RMDN3: variants seen among roughly 807,000 people sequenced by gnomAD.
The protein encoded by RMDN3 is regulator of microtubule dynamics 3, also known as regulator of microtubule dynamics protein 3.
Under a neutral mutation model 61.8 loss-of-function variants are expected in RMDN3, and 41 were observed. That is an observed-to-expected ratio of 0.66 (90% CI 0.52 to 0.86). RMDN3 has a LOEUF of 0.86. Ranked by LOEUF, RMDN3 falls within the 40% of genes least tolerant of loss-of-function variation. The pLI, the probability that RMDN3 is intolerant of heterozygous loss-of-function variation, is 0.00. For missense variants in RMDN3, 557 were observed against 585.3 expected (o/e 0.95, Z 0.50); for synonymous variants, 247 against 232.0 (o/e 1.06, Z -0.59).
Position 40,751,538 on chromosome 15 carries a change from G to A in RMDN3, c.412C>T (p.Arg138Trp), listed in dbSNP as rs776105230. 11 of 1,614,178 alleles carry A rather than the reference G, an allele frequency of 6.8e-6. No homozygotes were observed. The highest frequency in any genetic ancestry group is 6.7e-5 in the Admixed American group (4 of 60,022). ...CHMEENQRVA[R>W]RRRFPFVRER... The stretch of plus-strand genomic sequence containing the variant: ...CGGACAAACGGAAACCTTCGCCGCC[G>A]AGCCACTCTCTGGTTCTCTTCCATG... The change falls in exon 4 of 13, where the codon CGG becomes TGG. Residue 138 changes from arginine to tryptophan, a missense_variant. Coordinates refer to ENST00000338376, the MANE Select transcript of RMDN3 (RefSeq NM_018145.3).
At chr15:40,742,590 A>G (rs1267475941) in intron 6 of RMDN3, among the ~76,000 whole-genome samples, 1 of 152,228 alleles carries the variant, frequency 6.6e-6, no homozygotes, top group Non-Finnish European at 1.5e-5. Context: ...TAAACTTTAT[A>G]CCCAGTAAGG....
chr15:40,748,100 G>A (rs547462115), intron 4 of RMDN3, among the ~76,000 whole-genome samples: 1 of 152,294 alleles, frequency 6.6e-6, no homozygotes, highest in East Asian at 1.9e-4. Flanking sequence ...GAGCTGCACA[G>A]TGATTCTGCC....
chr15:40,742,149 C>A lies in RMDN3; in HGVS notation c.910+1898G>T, dbSNP rs148920374. Among the ~76,000 whole-genome samples, 591 of 151,598 alleles carry A rather than the reference C, an allele frequency of 3.9e-3. 3 individuals carry two copies. Among genetic ancestry groups the A allele is most frequent in the Non-Finnish European group, 5.5e-3 (372 of 67,910 alleles). On this transcript the variant is annotated intron_variant, in intron 6 of 12. Transcript: ENST00000338376. ...ATCCTCCTGCTGGCATGTTCCACCACCATGCCTGGCTAATTTTTTAAGTTT... is the reference window on the plus strand; with the variant it reads ...ATCCTCCTGCTGGCATGTTCCACCAACATGCCTGGCTAATTTTTTAAGTTT...
At chr15:40,744,897 G>A in intron 5 of RMDN3, 80 bp downstream of exon 5, 1 of 1,417,830 alleles carries the variant, frequency 7.1e-7, no homozygotes, top group Non-Finnish European at 9.4e-7. Context: ...AACCACACGG[G>A]CCTTCATTCC....
chr15:40,754,883 T>C, intron 1 of RMDN3, 93 bp from the exon 2 acceptor site: 1 of 1,117,202 alleles, frequency 9.0e-7, no homozygotes, highest in South Asian at 1.5e-5. Flanking sequence ...AAACCCACCC[T>C]CAAGGCTGAA....
rs1897133369 is a variant in RMDN3, at chr15:40,738,052, A to T, written c.1048-10T>A. The stretch of plus-strand genomic sequence containing the variant: ...CTTTGTCCACATGCTCCTAAGGGGA[A>T]AATGTAAATATAAACTAACATCAGA... On this transcript the variant is annotated splice_polypyrimidine_tract_variant and intron_variant, in intron 8 of 12. Transcript: ENST00000338376. 6.2e-7 allele frequency: 1 copy of T among 1,613,652 alleles called. No homozygotes were observed. Among genetic ancestry groups the T allele is most frequent in the South Asian group, 1.1e-5 (1 of 91,076 alleles).
At chr15:40,751,609 C>A in intron 3 of RMDN3, 40 bp from the exon 4 acceptor site, 1 of 1,613,520 alleles carries the variant, frequency 6.2e-7, no homozygotes, top group Non-Finnish European at 8.5e-7. Flanking sequence ...CCATTAGGTC[C>A]CATCCAGCTT....
rs773047269 is a variant in RMDN3 at position 40,737,874 on chromosome 15, G to C, written c.1125+91C>G. The C allele has an allele frequency of 6.7e-4, 1,009 of 1,509,910 alleles. 1 individual carries two copies. Among genetic ancestry groups the C allele is most frequent in the Non-Finnish European group, 9.0e-4 (975 of 1,086,412 alleles). 93.5% of individuals were successfully genotyped at this position (1,509,910 alleles called of 1,614,324 possible). A position where few individuals can be genotyped will look rare whatever the true frequency, so the allele number is the denominator to read the frequency against. On this transcript the variant is annotated intron_variant, in intron 9 of 12. Transcript: ENST00000338376. ...TTCAGAAGAAAGGGCACCTGAGCCA[G>C]AGAAGGCTGAGGATCTTGTTCTTCC...
Position 40,736,590 on chromosome 15 carries a change from A to AAATCCTAGGGAGAC in RMDN3, c.1360-10_1363dup (p.Leu455CysfsTer31), listed in dbSNP as rs757324308. ...TTCTTCCAGGTCCTTCTGGATAGCC[A>AAATCCTAGGGAGAC]AATCCTAGGGAGACAAAGAACAAAT... On this transcript the variant is annotated frameshift_variant, in exon 13 of 13. Coordinates refer to ENST00000338376, the MANE Select transcript of RMDN3 (RefSeq NM_018145.3). LOFTEE classifies it high-confidence loss of function. 5.0e-6 allele frequency: 8 copies of AAATCCTAGGGAGAC among 1,613,850 alleles called. No homozygotes were observed. In the South Asian group the frequency reaches 8.8e-5, roughly 18 times the overall value.
At chr15:40,754,507 T>C (rs1897956777) in intron 2 of RMDN3, 90 bp downstream of exon 2, 2 of 1,330,902 alleles carry the variant, frequency 1.5e-6, no homozygotes, top group Non-Finnish European at 2.0e-6. Context: ...CTTCTCTCCG[T>C]TACCCTGTCC....
At chr15:40,746,699 C>A (rs1897579862) in intron 4 of RMDN3, among the ~76,000 whole-genome samples, 1 of 152,152 alleles carries the variant, frequency 6.6e-6, no homozygotes, top group Admixed American at 6.5e-5. Flanking sequence ...TGGAAGTGAG[C>A]AGCCAGACCT....
At chr15:40,737,924 G>A in intron 9 of RMDN3, 41 bp downstream of exon 9, 1 of 1,599,462 alleles carries the variant, frequency 6.3e-7, no homozygotes, top group Non-Finnish European at 8.6e-7. Flanking sequence ...GTGTCAGAAG[G>A]CATTTAGGAC....
At position 40,736,564 on chromosome 15, in the gene RMDN3, G is replaced by A. The variant is rs753479088; in HGVS notation, c.1390C>T (p.Leu464=). Residue 464 remains leucine, a synonymous_variant, in exon 13 of 13, where the codon CTG becomes TTG. Coordinates refer to ENST00000338376, the MANE Select transcript of RMDN3 (RefSeq NM_018145.3). ...DLAIQKDLEE[L]EVILRD ...GGTTAGTCTCGTAAAATGACTTCCA[G>A]TTCTTCCAGGTCCTTCTGGATAGCC... 1 of 1,613,978 alleles carries A rather than the reference G, an allele frequency of 6.2e-7. No homozygotes were observed. The highest frequency in any genetic ancestry group is 8.5e-7 in the Non-Finnish European group (1 of 1,179,962).
chr15:40,742,788 G>C (rs563973764), intron 6 of RMDN3, among the ~76,000 whole-genome samples: 147 of 152,290 alleles, frequency 9.7e-4, no homozygotes, highest in African/African-American at 3.4e-3. Flanking sequence ...GCACTAATAA[G>C]AGATGACCAA....
chr15:40,746,429 TG>T (rs1171228254), intron 4 of RMDN3, among the ~76,000 whole-genome samples: 1 of 146,526 alleles, frequency 6.8e-6, no homozygotes, highest in Non-Finnish European at 1.5e-5. Flanking sequence ...GGCAGAAGAA[TG>T]GGCGTGAACC....
intron 2 of RMDN3, among the ~76,000 whole-genome samples, chr15:40,753,958 T>G (rs1307175698): frequency 2.6e-5 from 4 of 152,130 alleles, no homozygotes; most frequent in African/African-American, 9.7e-5. Context: ...CTTTTTGCCC[T>G]CTTTTGGACT....
chr15:40,740,449 C>T (rs935462313), intron 6 of RMDN3, among the ~76,000 whole-genome samples: 1 of 152,096 alleles, frequency 6.6e-6, no homozygotes, highest in Non-Finnish European at 1.5e-5. Context: ...AGTCGGAGAC[C>T]AGCCTGGCCA....
chr15:40,751,858 A>C lies in RMDN3; in HGVS notation c.380+128T>G, dbSNP rs544278305. On this transcript the variant is annotated intron_variant, in intron 3 of 12. Transcript: ENST00000338376. ...GGCGAGGTACCAAATGTACAGCTTCAACCCAGATTAGGCTAGAAGCTATAG... is the reference window on the plus strand; with the variant it reads ...GGCGAGGTACCAAATGTACAGCTTCCACCCAGATTAGGCTAGAAGCTATAG... 785 of 1,057,336 alleles carry C rather than the reference A, an allele frequency of 7.4e-4. 9 individuals carry two copies. The South Asian group carries it at 0.011, about 15-fold the overall frequency. 65.5% of individuals were successfully genotyped at this position (1,057,336 alleles called of 1,614,324 possible).
At chr15:40,743,474 A>G (rs922153332) in intron 6 of RMDN3, among the ~76,000 whole-genome samples, 1 of 152,048 alleles carries the variant, frequency 6.6e-6, no homozygotes, top group African/African-American at 2.4e-5. Flanking sequence ...CCCATTACCC[A>G]TTGATGGTAC....
Sources: allele counts gnomAD v4.1 joint callset (sites outside exome capture counted in the v4.1 genomes callset), GRCh38; gene constraint gnomAD v4.1.1; transcripts MANE v1.5; gene names NCBI Gene and HGNC (gene_info 2026-07-23, HGNC 2026-07-21).